The following SDK1 variants were observed in gnomAD, a reference collection of about 807,000 sequenced individuals.
SDK1 encodes sidekick cell adhesion molecule 1.
A neutral mutation model predicts 245.5 loss-of-function variants in SDK1; 157 were observed. The ratio of observed to expected loss-of-function variants is 0.64; its 90% CI spans 0.56 to 0.73. SDK1 has a LOEUF of 0.73. Among genes scored for constraint, SDK1 ranks in the 30% least tolerant of loss-of-function variants. The probability of loss-of-function intolerance (pLI) is 0.00; values close to 1 mark genes in which losing one functional copy is unlikely to be tolerated. For synonymous variants in SDK1, 1,647 were observed against 1,278.5 expected, an observed-to-expected ratio of 1.29 and a Z score of -6.15; for missense variants, 3,583 against 3,002.3, an observed-to-expected ratio of 1.19 and a Z score of -4.52.
intron 1 of SDK1, among the ~76,000 whole-genome samples, chr7:3,319,429 T>A (rs1293536143): frequency 6.6e-6 from 1 of 151,778 alleles, no homozygotes; most frequent in African/African-American, 2.4e-5. Context: ...TAATTCCTTA[T>A]CAGTGTGTTC....
chr7:3,568,881 A>G (rs1298246181), intron 1 of SDK1, among the ~76,000 whole-genome samples: 1 of 152,152 alleles, frequency 6.6e-6, no homozygotes, highest in South Asian at 2.1e-4. Context: ...TTGCTAATAG[A>G]CAGAAAATAT....
chr7:3,633,758 G>A (rs537286483), intron 2 of SDK1, among the ~76,000 whole-genome samples: 78 of 152,308 alleles, frequency 5.1e-4, no homozygotes, highest in Non-Finnish European at 9.7e-4. Context: ...TAAAACCACA[G>A]AAACCAACTT....
At chr7:3,579,355 G>T (rs916618331) in intron 1 of SDK1, among the ~76,000 whole-genome samples, 2 of 152,226 alleles carry the variant, frequency 1.3e-5, no homozygotes, top group African/African-American at 4.8e-5. Context: ...TCCCTGGGAT[G>T]CAAGGTTGGT....
At chr7:3,636,318 C>T (rs1332698818) in intron 2 of SDK1, among the ~76,000 whole-genome samples, 1 of 152,144 alleles carries the variant, frequency 6.6e-6, no homozygotes, top group African/African-American at 2.4e-5. Context: ...CTGCAGGACT[C>T]ACTCATCTCA....
intron 35 of SDK1, among the ~76,000 whole-genome samples, chr7:4,180,549 C>T (rs114394376): frequency 0.012 from 1,824 of 151,860 alleles, 36 homozygotes; most frequent in African/African-American, 0.042. Flanking sequence ...CTATGCCCAG[C>T]GCCCAGCTCC....
At chr7:3,577,942 A>G (rs1001100663) in intron 1 of SDK1, among the ~76,000 whole-genome samples, 1 of 152,034 alleles carries the variant, frequency 6.6e-6, no homozygotes, top group Non-Finnish European at 1.5e-5. Flanking sequence ...TCTTAGAGAA[A>G]TGATTAGAAG....
Position 4,268,227 on chromosome 7 carries a change from A to ATG in SDK1, c.*2846_*2847dup. On this transcript the variant is annotated 3_prime_UTR_variant, in exon 45 of 45. Coordinates refer to ENST00000404826, the MANE Select transcript of SDK1 (RefSeq NM_152744.4). ...ATTGCTTCGGCCCCACCCTGCAAGG[A>ATG]TGTGGTCACGGAGTGGCCAGGAGGC... 2.0e-6 allele frequency: 2 copies of ATG among 990,616 alleles called. No homozygotes were observed. The highest frequency in any genetic ancestry group is 2.4e-6 in the Non-Finnish European group (2 of 833,118). 61.4% of individuals were successfully genotyped at this position (990,616 alleles called of 1,614,324 possible). A position where few individuals can be genotyped will look rare whatever the true frequency, so the allele number is the denominator to read the frequency against.
intron 4 of SDK1, among the ~76,000 whole-genome samples, chr7:3,672,556 G>T (rs1167914382): frequency 7.0e-6 from 1 of 143,626 alleles, no homozygotes; most frequent in South Asian, 2.1e-4. Flanking sequence ...CCCAGAGTGA[G>T]ATCGATAAAG....
chr7:3,403,480 A>C (rs535459730), intron 1 of SDK1, among the ~76,000 whole-genome samples: 21 of 152,194 alleles, frequency 1.4e-4, no homozygotes, highest in Admixed American at 1.1e-3. Flanking sequence ...CATAAATACC[A>C]TGAAAAACAG....
intron 1 of SDK1, among the ~76,000 whole-genome samples, chr7:3,453,113 G>C (rs1780566621): frequency 1.3e-5 from 2 of 152,058 alleles, no homozygotes; most frequent in Admixed American, 1.3e-4. Flanking sequence ...CTGGTGTCTA[G>C]AACTTTGAGC....
intron 1 of SDK1, among the ~76,000 whole-genome samples, chr7:3,379,610 G>A (rs1013314525): frequency 6.6e-6 from 1 of 152,162 alleles, no homozygotes; most frequent in African/African-American, 2.4e-5. Flanking sequence ...TCTGTTTAAT[G>A]GGATTTGGGA....
At chr7:3,955,340 G>T (rs1393085432) in intron 7 of SDK1, among the ~76,000 whole-genome samples, 3 of 152,190 alleles carry the variant, frequency 2.0e-5, no homozygotes, top group Non-Finnish European at 4.4e-5. Context: ...ACACATGGAA[G>T]CTCTCTGCTG....
intron 25 of SDK1, among the ~76,000 whole-genome samples, chr7:4,122,059 G>A (rs1784095774): frequency 6.6e-6 from 1 of 152,082 alleles, no homozygotes; most frequent in Admixed American, 6.5e-5. Context: ...CTTCTGGTTG[G>A]TGCTGGTGCT....
At chr7:3,570,434 G>C (rs1162093168) in intron 1 of SDK1, among the ~76,000 whole-genome samples, 2 of 152,092 alleles carry the variant, frequency 1.3e-5, no homozygotes, top group Non-Finnish European at 2.9e-5. Context: ...CTGCTGTGCA[G>C]CTGGTTCCTA....
chr7:3,380,861 A>G (rs979128950), intron 1 of SDK1, among the ~76,000 whole-genome samples: 8 of 152,158 alleles, frequency 5.3e-5, no homozygotes, highest in Non-Finnish European at 7.3e-5. Context: ...AACCACCCCC[A>G]TTAGACTTCC....
intron 7 of SDK1, chr7:3,957,944 A>G (rs541014255): frequency 2.1e-6 from 1 of 470,340 alleles, no homozygotes; most frequent in African/African-American, 2.0e-5. Context: ...GCAGAAGTGA[A>G]ACATCACTTT....
intron 4 of SDK1, among the ~76,000 whole-genome samples, chr7:3,659,758 G>C (rs1400590048): frequency 6.6e-6 from 1 of 152,214 alleles, no homozygotes; most frequent in African/African-American, 2.4e-5. Flanking sequence ...AGAATACGTA[G>C]GAAGCTTCTG....
At chr7:4,164,668 G>A (rs1035887492) in intron 32 of SDK1, among the ~76,000 whole-genome samples, 7 of 152,170 alleles carry the variant, frequency 4.6e-5, no homozygotes, top group African/African-American at 1.7e-4. Flanking sequence ...GCTGGGATGC[G>A]TCACCTCCTC....
At chr7:3,429,025 A>G (rs1402681707) in intron 1 of SDK1, among the ~76,000 whole-genome samples, 1 of 152,172 alleles carries the variant, frequency 6.6e-6, no homozygotes, top group Non-Finnish European at 1.5e-5. Flanking sequence ...TAAGTTAAAT[A>G]GTGTCTGCTC....
Sources: gnomAD v4.1 joint callset for allele counts (sites outside exome capture counted in the v4.1 genomes callset) on GRCh38, gnomAD v4.1.1 for gene constraint, MANE v1.5 for transcripts, NCBI Gene and HGNC (gene_info 2026-07-23, HGNC 2026-07-21) for gene names.